The following PTPRG variants were observed in gnomAD, a reference collection of about 807,000 sequenced individuals.
PTPRG encodes the protein receptor-type tyrosine-protein phosphatase gamma.
Under a neutral mutation model 165.3 loss-of-function variants are expected in PTPRG, and 102 were observed. That is an observed-to-expected ratio of 0.62 (90% CI 0.53 to 0.73). The LOEUF (loss-of-function observed/expected upper bound fraction) is 0.73, where lower values mean the gene tolerates loss of function less well. Among genes scored for constraint, PTPRG ranks in the 30% least tolerant of loss-of-function variants. The pLI is 0.00. For synonymous variants in PTPRG, 675 were observed against 669.5 expected, an observed-to-expected ratio of 1.01 and a Z score of -0.13; for missense variants, 1,866 against 1,861.4, an observed-to-expected ratio of 1.00 and a Z score of -0.05.
At chr3:61,564,120 C>CA (rs1699845165) in intron 1 of PTPRG, among the ~76,000 whole-genome samples, 1 of 152,210 alleles carries the variant, frequency 6.6e-6, no homozygotes, top group Admixed American at 6.5e-5. Flanking sequence ...ATGGGGACAT[C>CA]TCCCCTTAGA....
chr3:61,780,347 A>G (rs1250443899), intron 2 of PTPRG, among the ~76,000 whole-genome samples: 1 of 152,210 alleles, frequency 6.6e-6, no homozygotes, highest in Non-Finnish European at 1.5e-5. Context: ...GGCCCCCAGG[A>G]AGAAATTACA....
At chr3:61,750,100 T>C (rs1413494056) in intron 2 of PTPRG, 3 of 152,324 alleles carry the variant, frequency 2.0e-5, no homozygotes, top group South Asian at 4.1e-4. Flanking sequence ...ATTCTGAAGT[T>C]TTCCATCACA....
intron 1 of PTPRG, among the ~76,000 whole-genome samples, chr3:61,642,660 G>A (rs946799858): frequency 4.6e-5 from 7 of 152,136 alleles, no homozygotes; most frequent in African/African-American, 1.7e-4. Context: ...CTTAAAACCC[G>A]GATTTGACTT....
chr3:61,742,422 T>TTTTTAAA, intron 1 of PTPRG: 19 of 1,316,824 alleles, frequency 1.4e-5, no homozygotes, highest in Non-Finnish European at 1.9e-5. Context: ...TTTTTTTTTT[T>TTTTTAAA]TGAACTGGTA....
chr3:62,137,724 C>G (rs1703764845), intron 6 of PTPRG, among the ~76,000 whole-genome samples: 1 of 152,048 alleles, frequency 6.6e-6, no homozygotes, highest in South Asian at 2.1e-4. Flanking sequence ...AACCACTGAG[C>G]TGGTCATCAC....
intron 3 of PTPRG, among the ~76,000 whole-genome samples, chr3:61,999,042 A>T (rs1370162690): frequency 6.6e-6 from 1 of 151,856 alleles, no homozygotes. Flanking sequence ...AGCTGGCTGG[A>T]GGCCTCTTTT....
intron 5 of PTPRG, among the ~76,000 whole-genome samples, chr3:62,107,739 C>A (rs1484936615): frequency 6.6e-6 from 1 of 152,182 alleles, no homozygotes; most frequent in East Asian, 1.9e-4. Flanking sequence ...AGTAAAAACT[C>A]ATATTTGTTG....
Position 61,812,278 on chromosome 3 carries a change from CCATTCATTCATTCATT to C in PTPRG, c.190+63313_190+63328del, listed in dbSNP as rs71782952. On this transcript the variant is annotated intron_variant, in intron 2 of 29. Coordinates refer to ENST00000474889, the MANE Select transcript of PTPRG (RefSeq NM_002841.4). Reference sequence around the variant, plus strand: ...GAGGGTAGTTTAGCAGTGGTCCTGACCATTCATTCATTCATTCATTCATTCATTCATTTTGTCAATC... The same window carrying C: ...GAGGGTAGTTTAGCAGTGGTCCTGACCATTCATTCATTCATTTTGTCAATC... Among the ~76,000 whole-genome samples, 735 of 144,760 alleles carry C rather than the reference CCATTCATTCATTCATT, an allele frequency of 5.1e-3. 6 individuals carry two copies. The highest frequency in any genetic ancestry group is 0.017 in the African/African-American group (677 of 40,630). 95.0% of individuals were successfully genotyped at this position (144,760 alleles called of 152,430 possible).
At chr3:61,787,817 G>T (rs1269669350) in intron 2 of PTPRG, among the ~76,000 whole-genome samples, 1 of 152,150 alleles carries the variant, frequency 6.6e-6, no homozygotes, top group Non-Finnish European at 1.5e-5. Flanking sequence ...ACCTTCTTAG[G>T]TAGACATTTG....
chr3:61,578,882 C>T (rs898986731), intron 1 of PTPRG, among the ~76,000 whole-genome samples: 3 of 152,208 alleles, frequency 2.0e-5, no homozygotes, highest in African/African-American at 7.2e-5. Context: ...GCAGGGTGGA[C>T]ACATGCCCTT....
intron 1 of PTPRG, among the ~76,000 whole-genome samples, chr3:61,699,776 A>G (rs2030845990): frequency 6.6e-6 from 1 of 152,182 alleles, no homozygotes; most frequent in Non-Finnish European, 1.5e-5. Context: ...TCATTGGAGT[A>G]AAAGGGAACA....
At position 62,295,554 on chromosome 3, in the gene PTPRG, G is replaced by C. The variant is rs1188359000; in HGVS notation, c.*2247G>C. ...TTCGTAGAAAGGCATACCCTCCAATGCAATTCTGTGGCTGTCCCTTACAGT... is the reference window on the plus strand; with the variant it reads ...TTCGTAGAAAGGCATACCCTCCAATCCAATTCTGTGGCTGTCCCTTACAGT... On this transcript the variant is annotated 3_prime_UTR_variant, in exon 30 of 30. Coordinates refer to ENST00000474889, the MANE Select transcript of PTPRG (RefSeq NM_002841.4). 3.3e-5 allele frequency: 5 copies of C among 152,058 alleles called. No individual in the cohort carries two copies. Among genetic ancestry groups the C allele is most frequent in the African/African-American group, 9.7e-5 (4 of 41,424 alleles). 9.4% of individuals were successfully genotyped at this position (152,058 alleles called of 1,614,324 possible). A position where few individuals can be genotyped will look rare whatever the true frequency, so the allele number is the denominator to read the frequency against.
At chr3:61,838,746 C>T (rs954212630) in intron 2 of PTPRG, among the ~76,000 whole-genome samples, 5 of 152,108 alleles carry the variant, frequency 3.3e-5, no homozygotes, top group African/African-American at 1.2e-4. Context: ...GTATTCTTAC[C>T]ACTCTCCCTG....
chr3:61,945,289 A>G (rs942291733), intron 2 of PTPRG, among the ~76,000 whole-genome samples: 3 of 152,080 alleles, frequency 2.0e-5, no homozygotes, highest in Non-Finnish European at 2.9e-5. Context: ...GCCAGGTGCT[A>G]TGGCTCACGC....
chr3:61,977,971 G>T (rs568499173), intron 2 of PTPRG, among the ~76,000 whole-genome samples: 1 of 152,198 alleles, frequency 6.6e-6, no homozygotes, highest in South Asian at 2.1e-4. Flanking sequence ...ACTATTTCAG[G>T]CTTCTGAGTA....
chr3:62,171,545 C>T (rs1243617335), intron 8 of PTPRG, among the ~76,000 whole-genome samples: 1 of 152,124 alleles, frequency 6.6e-6, no homozygotes, highest in African/African-American at 2.4e-5. Context: ...ACAGAAAGTT[C>T]CTTCCTGCCC....
chr3:61,748,387 T>G (rs1412968764), intron 1 of PTPRG, among the ~76,000 whole-genome samples: 1 of 152,228 alleles, frequency 6.6e-6, no homozygotes, highest in Non-Finnish European at 1.5e-5. Context: ...GTAAAAGAGA[T>G]AGAATGACCC....
intron 1 of PTPRG, among the ~76,000 whole-genome samples, chr3:61,598,660 A>G (rs1388771654): frequency 6.6e-6 from 1 of 152,122 alleles, no homozygotes; most frequent in African/African-American, 2.4e-5. Context: ...GGCCCCTGTA[A>G]CAAAGTACAA....
intron 1 of PTPRG, among the ~76,000 whole-genome samples, chr3:61,615,563 C>T (rs1315687196): frequency 6.6e-6 from 1 of 152,214 alleles, no homozygotes; most frequent in Non-Finnish European, 1.5e-5. Context: ...TAAACTTATT[C>T]TTCTTTTTCC....
Sources: gnomAD v4.1 joint callset for allele counts (sites outside exome capture counted in the v4.1 genomes callset) on GRCh38, gnomAD v4.1.1 for gene constraint, MANE v1.5 for transcripts, NCBI Gene and HGNC (gene_info 2026-07-23, HGNC 2026-07-21) for gene names.